Variants in PRKCQ observed in about 807,000 individuals in gnomAD.
PRKCQ encodes protein kinase C theta type.
A neutral mutation model predicts 91.2 loss-of-function variants in PRKCQ; 41 were observed. That is an observed-to-expected ratio of 0.45 (90% CI 0.35 to 0.58). PRKCQ has a LOEUF of 0.58. Among genes scored for constraint, PRKCQ ranks in the 20% least tolerant of loss-of-function variants. The pLI, the probability that PRKCQ is intolerant of heterozygous loss-of-function variation, is 0.00. For missense variants in PRKCQ, 673 were observed against 896.5 expected, an observed-to-expected ratio of 0.75 and a Z score of 3.18; for synonymous variants, 307 against 316.9, an observed-to-expected ratio of 0.97 and a Z score of 0.33.
chr10:6,517,881 A>C (rs1838837475), intron 1 of PRKCQ, among the ~76,000 whole-genome samples: 1 of 152,220 alleles, frequency 6.6e-6, no homozygotes, highest in Non-Finnish European at 1.5e-5. Context: ...TTGCAAAGGC[A>C]CAAGCTATAC....
intron 3 of PRKCQ, among the ~76,000 whole-genome samples, chr10:6,508,330 T>C (rs572665712): frequency 5.3e-5 from 8 of 152,372 alleles, no homozygotes; most frequent in East Asian, 1.9e-4. Context: ...TTGGTCATTA[T>C]GTCCATGGGT....
chr10:6,435,552 T>C (rs1205814432), intron 16 of PRKCQ, among the ~76,000 whole-genome samples: 1 of 152,208 alleles, frequency 6.6e-6, no homozygotes, highest in Non-Finnish European at 1.5e-5. Flanking sequence ...ATGGAAGTTT[T>C]ACTAACTCAC....
chr10:6,538,993 A>T (rs6602804), intron 1 of PRKCQ, among the ~76,000 whole-genome samples: 2 of 151,898 alleles, frequency 1.3e-5, no homozygotes, highest in Non-Finnish European at 2.9e-5. Flanking sequence ...TGAATTCCTG[A>T]GCTCAGGCAA....
chr10:6,432,702 C>G (rs955247095), intron 16 of PRKCQ, among the ~76,000 whole-genome samples: 1 of 152,160 alleles, frequency 6.6e-6, no homozygotes, highest in African/African-American at 2.4e-5. Context: ...TTGGAGAGTT[C>G]TGACATCCTC....
intron 16 of PRKCQ, among the ~76,000 whole-genome samples, chr10:6,436,828 C>G (rs1041100137): frequency 1.3e-5 from 2 of 152,152 alleles, no homozygotes; most frequent in Non-Finnish European, 2.9e-5. Flanking sequence ...CCCATCCAAT[C>G]TTTCTCTCCT....
chr10:6,474,289 C>T (rs902612757), intron 12 of PRKCQ, among the ~76,000 whole-genome samples: 15 of 152,284 alleles, frequency 9.9e-5, no homozygotes, highest in South Asian at 4.2e-4. Flanking sequence ...AAAACCACGG[C>T]GGCCTGCCCT....
chr10:6,457,307 C>G (rs1014845228), intron 14 of PRKCQ, among the ~76,000 whole-genome samples: 14 of 152,140 alleles, frequency 9.2e-5, no homozygotes, highest in Non-Finnish European at 2.1e-4. Context: ...GAACTAGTAT[C>G]CTCTTAAAAG....
chr10:6,562,925 G>C (rs571594681), intron 1 of PRKCQ, among the ~76,000 whole-genome samples: 1 of 152,226 alleles, frequency 6.6e-6, no homozygotes, highest in African/African-American at 2.4e-5. Context: ...AGAGTCAAAA[G>C]AACACTCATC....
At chr10:6,453,005 A>T (rs1444326096) in intron 15 of PRKCQ, among the ~76,000 whole-genome samples, 1 of 151,820 alleles carries the variant, frequency 6.6e-6, no homozygotes, top group Non-Finnish European at 1.5e-5. Context: ...TTCAGGACAT[A>T]GGCATGGGCA....
intron 13 of PRKCQ, 47 bp downstream of exon 13, chr10:6,464,266 A>G (rs369524535): frequency 4.6e-6 from 7 of 1,531,878 alleles, no homozygotes; most frequent in Admixed American, 1.9e-5. Flanking sequence ...ACCAGCAAGA[A>G]CTGACAAGAA....
the PRKCQ span, among the ~76,000 whole-genome samples, chr10:6,397,142 G>A: frequency 1.3e-4 from 20 of 152,100 alleles, no homozygotes; most frequent in Non-Finnish European, 2.8e-4. Context: ...TGTTGCCCAG[G>A]CTGGAGTGCA....
chr10:6,460,716 C>A (rs1835276765), intron 14 of PRKCQ, among the ~76,000 whole-genome samples: 2 of 152,142 alleles, frequency 1.3e-5, no homozygotes, highest in South Asian at 4.1e-4. Flanking sequence ...GTTTCCAACT[C>A]CTAACCCCAG....
In PRKCQ at chr10:6,496,452, C is replaced by T. The variant is rs532514846; in HGVS notation, c.660+583G>A. Among the ~76,000 whole-genome samples, 3 of 152,128 alleles carry T rather than the reference C, an allele frequency of 2.0e-5. No individual in the cohort carries two copies. In the South Asian group the frequency reaches 6.2e-4, roughly 32 times the overall value. On this transcript the variant is annotated intron_variant, in intron 7 of 17. Coordinates refer to ENST00000263125, the MANE Select transcript of PRKCQ (RefSeq NM_006257.5). ...TTATGCCTCTGTTATTATCTCTAAC[C>T]TTGTAAATGCCATGTTGCTGTATCT...
intron 1 of PRKCQ, among the ~76,000 whole-genome samples, chr10:6,559,392 G>A (rs1265306842): frequency 1.3e-5 from 2 of 152,070 alleles, no homozygotes; most frequent in East Asian, 1.9e-4. Context: ...AGATAGTCTC[G>A]CTCTGCCACC....
chr10:6,513,110 A>G (rs1347210623), intron 2 of PRKCQ, among the ~76,000 whole-genome samples: 1 of 152,192 alleles, frequency 6.6e-6, no homozygotes, highest in East Asian at 1.9e-4. Flanking sequence ...TCACCTAAAC[A>G]GAGGGCCCTA....
intron 8 of PRKCQ, among the ~76,000 whole-genome samples, chr10:6,489,957 C>T (rs779274331): frequency 3.3e-5 from 5 of 152,036 alleles, no homozygotes; most frequent in African/African-American, 9.6e-5. Context: ...ACAGAGAACC[C>T]GACCTGAGAC....
At chr10:6,433,042 A>G (rs1833499149) in intron 16 of PRKCQ, among the ~76,000 whole-genome samples, 1 of 152,108 alleles carries the variant, frequency 6.6e-6, no homozygotes, top group Admixed American at 6.5e-5. Context: ...AGGATTGATC[A>G]CCCTATCATA....
chr10:6,497,196 T>G lies in PRKCQ; in HGVS notation c.574+24A>C. ...AACTAAATAAAAAGAATGATGGTAA[T>G]GCAACCAAAACCCTCTTACTTACGT... On this transcript the variant is annotated intron_variant, in intron 6 of 17. Transcript: ENST00000263125. This position sits in a 1 kb window ranked among gnomAD's most constrained non-coding sequence, Gnocchi z 4.5. The G allele has an allele frequency of 1.9e-6, 3 of 1,614,224 alleles. No homozygotes were observed. Among genetic ancestry groups the G allele is most frequent in the Non-Finnish European group, 2.5e-6 (3 of 1,180,032 alleles).
chr10:6,577,982 C>G (rs1207722614), intron 1 of PRKCQ, among the ~76,000 whole-genome samples: 1 of 152,164 alleles, frequency 6.6e-6, no homozygotes, highest in Non-Finnish European at 1.5e-5. Context: ...TAATTCATTG[C>G]AGAGAAGAAT....
Sources: allele counts gnomAD v4.1 joint callset (sites outside exome capture counted in the v4.1 genomes callset), GRCh38; gene constraint gnomAD v4.1.1; non-coding constraint Gnocchi (gnomAD v3.1); transcripts MANE v1.5; gene names NCBI Gene and HGNC (gene_info 2026-07-23, HGNC 2026-07-21).